The following SORCS1 variants were observed in gnomAD, a reference collection of about 807,000 sequenced individuals.
SORCS1 encodes the protein sortilin related VPS10 domain containing receptor 1, also known as VPS10 domain-containing receptor SorCS1.
In SORCS1, 60 loss-of-function variants were observed where a neutral mutation model predicts 146.1. The observed-to-expected ratio is 0.41, with a 90% CI of 0.33 to 0.51. The LOEUF is 0.51. Among genes scored for constraint, SORCS1 ranks in the 20% least tolerant of loss-of-function variants. The pLI is 0.21. For missense variants in SORCS1, 1,352 were observed against 1,487.6 expected, an observed-to-expected ratio of 0.91 and a Z score of 1.50; for synonymous variants, 637 against 584.0, an observed-to-expected ratio of 1.09 and a Z score of -1.31.
intron 2 of SORCS1, among the ~76,000 whole-genome samples, chr10:106,830,819 C>T (rs1345837527): frequency 2.6e-5 from 4 of 151,810 alleles, no homozygotes; most frequent in Admixed American, 2.0e-4. Flanking sequence ...TCACTTGAAA[C>T]CAGGAGGCAG....
intron 1 of SORCS1, among the ~76,000 whole-genome samples, chr10:107,120,433 T>G (rs1966329521): frequency 6.6e-6 from 1 of 152,226 alleles, no homozygotes; most frequent in Non-Finnish European, 1.5e-5. Flanking sequence ...TATATTATTC[T>G]ATTCTCTGAT....
At chr10:107,095,411 T>TG (rs1169113427) in intron 1 of SORCS1, among the ~76,000 whole-genome samples, 1 of 152,122 alleles carries the variant, frequency 6.6e-6, no homozygotes, top group Non-Finnish European at 1.5e-5. Flanking sequence ...TCATGCTGCA[T>TG]GTAGCCATGA....
intron 1 of SORCS1, among the ~76,000 whole-genome samples, chr10:107,031,736 G>A (rs1003778777): frequency 5.9e-5 from 9 of 151,964 alleles, no homozygotes; most frequent in African/African-American, 1.9e-4. Context: ...CCCTGTCAAA[G>A]TGCTGGGATT....
chr10:107,115,819 G>A (rs908090944), intron 1 of SORCS1, among the ~76,000 whole-genome samples: 1 of 151,994 alleles, frequency 6.6e-6, no homozygotes, highest in African/African-American at 2.4e-5. Flanking sequence ...GCAGTCCATG[G>A]AATGAGAGAG....
chr10:106,762,450 T>C (rs1859201931), intron 4 of SORCS1, among the ~76,000 whole-genome samples: 1 of 137,496 alleles, frequency 7.3e-6, no homozygotes. Flanking sequence ...TGGAGTGCAG[T>C]GGTGTGACCT....
chr10:107,011,280 C>T (rs755751180), intron 1 of SORCS1, among the ~76,000 whole-genome samples: 1 of 152,132 alleles, frequency 6.6e-6, no homozygotes, highest in Non-Finnish European at 1.5e-5. Flanking sequence ...TTCCTTAAAC[C>T]ACTTTTCACT....
At chr10:106,980,479 G>A (rs938659992) in intron 1 of SORCS1, among the ~76,000 whole-genome samples, 10 of 152,204 alleles carry the variant, frequency 6.6e-5, no homozygotes, top group African/African-American at 2.4e-4. Flanking sequence ...CTCAGTCCCT[G>A]CCTGTTTCAA....
intron 1 of SORCS1, among the ~76,000 whole-genome samples, chr10:107,043,006 C>T (rs1301934987): frequency 6.6e-6 from 1 of 152,176 alleles, no homozygotes; most frequent in Admixed American, 6.5e-5. Flanking sequence ...AACTAGATTT[C>T]TCAATTTATC....
intron 19 of SORCS1, among the ~76,000 whole-genome samples, chr10:106,622,369 T>C (rs2133512275): frequency 6.7e-6 from 1 of 149,534 alleles, no homozygotes; most frequent in East Asian, 2.0e-4. Context: ...TGATTTAAAA[T>C]TTGTGAGACA....
At chr10:106,873,313 CAA>C (rs72466113) in intron 2 of SORCS1, among the ~76,000 whole-genome samples, 41,454 of 129,790 alleles carry the variant, frequency 0.32, 6,737 homozygotes, top group South Asian at 0.47. Flanking sequence ...AACTCGGTCT[CAA>C]AAAAAAAAAA....
chr10:106,851,566 C>T (rs567405447), intron 2 of SORCS1, among the ~76,000 whole-genome samples: 1 of 152,300 alleles, frequency 6.6e-6, no homozygotes, highest in East Asian at 1.9e-4. Context: ...ATCTATGTAT[C>T]TGTTCCTTCA....
chr10:106,587,866 A>T (rs1306995441), intron 24 of SORCS1, among the ~76,000 whole-genome samples: 1 of 152,006 alleles, frequency 6.6e-6, no homozygotes, highest in Non-Finnish European at 1.5e-5. Context: ...ATGTTTTTTT[A>T]TTTAACCTGA....
chr10:107,165,038 C>G (rs952628081), upstream of SORCS1, among the ~76,000 whole-genome samples: 2 of 151,816 alleles, frequency 1.3e-5, no homozygotes, highest in African/African-American at 2.4e-5. This position sits in a 1 kb window ranked among gnomAD's most constrained non-coding sequence, Gnocchi z 4.0. Context: ...CCGGAGCAGT[C>G]GATGTGTCGG....
Position 107,006,268 on chromosome 10 carries a change from C to G in SORCS1, c.559-49688G>C, listed in dbSNP as rs775788467. 3.2e-4 allele frequency among the ~76,000 whole-genome samples: 48 copies of G among 152,108 alleles called. 1 individual carries two copies. Among genetic ancestry groups the G allele is most frequent in the Non-Finnish European group, 5.4e-4 (37 of 68,036 alleles). On this transcript the variant is annotated intron_variant, in intron 1 of 25. Coordinates refer to ENST00000263054, the MANE Select transcript of SORCS1 (RefSeq NM_052918.5). ...TAACCTATATCCTTGTGTCTGTATCCCAGCTAGCCCTGTGCTTAGCACCTG... is the reference window on the plus strand; with the variant it reads ...TAACCTATATCCTTGTGTCTGTATCGCAGCTAGCCCTGTGCTTAGCACCTG...
chr10:106,715,953 A>G (rs553174762), intron 6 of SORCS1, among the ~76,000 whole-genome samples: 1 of 152,086 alleles, frequency 6.6e-6, no homozygotes, highest in Admixed American at 6.6e-5. Context: ...GGGTTTCACC[A>G]TGTCGGTCAG....
At chr10:106,953,748 G>A (rs1954812369) in intron 2 of SORCS1, among the ~76,000 whole-genome samples, 1 of 152,078 alleles carries the variant, frequency 6.6e-6, no homozygotes, top group African/African-American at 2.4e-5. Flanking sequence ...GTAACATCAT[G>A]GTATTTGTGT....
At chr10:106,637,370 T>C (rs1448441132) in intron 18 of SORCS1, among the ~76,000 whole-genome samples, 1 of 152,134 alleles carries the variant, frequency 6.6e-6, no homozygotes, top group Non-Finnish European at 1.5e-5. Context: ...GCTGTATAGG[T>C]GTTTCTTCAC....
chr10:106,636,398 T>C (rs1415265903), intron 18 of SORCS1, among the ~76,000 whole-genome samples: 1 of 152,208 alleles, frequency 6.6e-6, no homozygotes. Context: ...TATTATCTTA[T>C]TTAAACTTTG....
intron 2 of SORCS1, among the ~76,000 whole-genome samples, chr10:106,946,309 AGGTT>A (rs2138829129): frequency 6.6e-6 from 1 of 152,356 alleles, no homozygotes; most frequent in South Asian, 2.1e-4. Flanking sequence ...TTGGATTTCC[AGGTT>A]AGTATGTGAT....
Sources: gnomAD v4.1 joint callset for allele counts (sites outside exome capture counted in the v4.1 genomes callset) on GRCh38, gnomAD v4.1.1 for gene constraint, Gnocchi (gnomAD v3.1) non-coding constraint, MANE v1.5 for transcripts, NCBI Gene and HGNC (gene_info 2026-07-23, HGNC 2026-07-21) for gene names.